The following NSMCE2 variants were observed in gnomAD, a reference collection of about 807,000 sequenced individuals.
The protein encoded by NSMCE2 is NSE2 SUMO ligase component of SMC5/6 complex.
In NSMCE2, 24 loss-of-function variants were observed where a neutral mutation model predicts 23.8. The ratio of observed to expected loss-of-function variants is 1.01; its 90% CI spans 0.73 to 1.42. NSMCE2 has a LOEUF of 1.42. Ranked by LOEUF, NSMCE2 falls within the 40% of genes most tolerant of loss-of-function variation. The probability of loss-of-function intolerance (pLI) is 0.00; values close to 1 mark genes in which losing one functional copy is unlikely to be tolerated. For missense variants in NSMCE2, 284 were observed against 296.5 expected, an observed-to-expected ratio of 0.96 and a Z score of 0.31; for synonymous variants, 92 against 94.1, an observed-to-expected ratio of 0.98 and a Z score of 0.13.
intron 5 of NSMCE2, among the ~76,000 whole-genome samples, chr8:125,287,042 C>T (rs764049472): frequency 2.0e-5 from 3 of 152,044 alleles, no homozygotes; most frequent in Non-Finnish European, 4.4e-5. Flanking sequence ...TAATAAAATA[C>T]AGAATTTGGC....
At chr8:125,317,820 A>C (rs1829270809) in intron 5 of NSMCE2, among the ~76,000 whole-genome samples, 1 of 152,256 alleles carries the variant, frequency 6.6e-6, no homozygotes, top group Non-Finnish European at 1.5e-5. Context: ...AAGATTGATA[A>C]TTTGAACTAC....
intron 5 of NSMCE2, among the ~76,000 whole-genome samples, chr8:125,329,844 C>A (rs559545527): frequency 8.6e-4 from 131 of 152,280 alleles, no homozygotes; most frequent in Non-Finnish European, 1.6e-3. Context: ...AGTGTTCACT[C>A]AGTTCAAGGC....
intron 7 of NSMCE2, among the ~76,000 whole-genome samples, chr8:125,359,330 C>CTTTTTTTTTTT (rs34421417): frequency 9.7e-6 from 1 of 102,892 alleles, no homozygotes; most frequent in Non-Finnish European, 1.9e-5. Flanking sequence ...TGCTCTTTCT[C>CTTTTTTTTTTT]TTTTTTTTTT....
intron 5 of NSMCE2, among the ~76,000 whole-genome samples, chr8:125,216,769 A>G (rs2130904079): frequency 6.6e-6 from 1 of 152,344 alleles, no homozygotes; most frequent in East Asian, 1.9e-4. Context: ...GCCTCTGCTT[A>G]GGTTTTAATG....
At chr8:125,305,455 G>C (rs935660574) in intron 5 of NSMCE2, among the ~76,000 whole-genome samples, 1 of 152,160 alleles carries the variant, frequency 6.6e-6, no homozygotes, top group African/African-American at 2.4e-5. Flanking sequence ...GGGACAAGAG[G>C]CTGAAGAGAA....
chr8:125,274,443 T>C (rs1238467217), intron 5 of NSMCE2, among the ~76,000 whole-genome samples: 3 of 152,204 alleles, frequency 2.0e-5, no homozygotes, highest in Admixed American at 2.0e-4. Context: ...TGAATTGCTT[T>C]CTGAGTTGTG....
chr8:125,180,262 A>C (rs78068134), intron 4 of NSMCE2, among the ~76,000 whole-genome samples: 1 of 152,178 alleles, frequency 6.6e-6, no homozygotes, highest in African/African-American at 2.4e-5. Context: ...TTCTTTAGCC[A>C]TACAGTACTT....
chr8:125,120,348 A>G (rs1162190106), intron 3 of NSMCE2, among the ~76,000 whole-genome samples: 1 of 152,220 alleles, frequency 6.6e-6, no homozygotes, highest in Non-Finnish European at 1.5e-5. Context: ...CGGTAAAACG[A>G]GTTATTATCT....
intron 5 of NSMCE2, among the ~76,000 whole-genome samples, chr8:125,320,288 GGAA>G (rs1283942266): frequency 2.1e-5 from 2 of 97,292 alleles, no homozygotes; most frequent in African/African-American, 3.2e-5. Context: ...AAGGAAGGAA[GGAA>G]GGAAGGAAGG....
At chr8:125,349,781 A>G (rs1318912546) in intron 5 of NSMCE2, among the ~76,000 whole-genome samples, 1 of 152,124 alleles carries the variant, frequency 6.6e-6, no homozygotes, top group Non-Finnish European at 1.5e-5. Flanking sequence ...CCACAAGACC[A>G]TGTCTGGATT....
At position 125,247,019 on chromosome 8, in the gene NSMCE2, AT is replaced by A. The variant is rs576858587; in HGVS notation, c.418+64774del. On this transcript the variant is annotated intron_variant, in intron 5 of 7. Coordinates refer to ENST00000287437, the MANE Select transcript of NSMCE2 (RefSeq NM_173685.4). Reference sequence around the variant, plus strand: ...TTGCTTTACTATGATTAAATTCTGTATTTTTTTTTTTCTTAAAATATTAAGA... The same window carrying A: ...TTGCTTTACTATGATTAAATTCTGTATTTTTTTTTTCTTAAAATATTAAGA... Among the ~76,000 whole-genome samples, 637 of 147,222 alleles carry A rather than the reference AT, an allele frequency of 4.3e-3. 3 individuals carry two copies. The highest frequency in any genetic ancestry group is 0.014 in the African/African-American group (581 of 40,276).
intron 3 of NSMCE2, among the ~76,000 whole-genome samples, chr8:125,136,415 G>C (rs1820070044): frequency 6.6e-6 from 1 of 152,204 alleles, no homozygotes; most frequent in Non-Finnish European, 1.5e-5. Context: ...TTTGTGACTA[G>C]TTAGATGTGG....
intron 5 of NSMCE2, among the ~76,000 whole-genome samples, chr8:125,212,998 A>G (rs537686004): frequency 4.6e-5 from 7 of 152,334 alleles, no homozygotes; most frequent in South Asian, 2.1e-4. Context: ...AAAAATCAAT[A>G]TGTAATAATA....
In NSMCE2 at chr8:125,365,419, T is replaced by G. The variant is rs187712834; in HGVS notation, c.627-1349T>G. The stretch of plus-strand genomic sequence containing the variant: ...CACCTCTCTCCTGCACCCTGCAGGA[T>G]CCCCCATGCTATTTTCCCTGCCCTT... On this transcript the variant is annotated intron_variant, in intron 7 of 7. Transcript: ENST00000287437. Among the ~76,000 whole-genome samples the G allele has an allele frequency of 6.3e-3, 961 of 152,194 alleles. 5 individuals carry two copies. The highest frequency in any genetic ancestry group is 9.1e-3 in the Non-Finnish European group (621 of 68,008).
At chr8:125,241,788 T>G (rs1375409144) in intron 5 of NSMCE2, among the ~76,000 whole-genome samples, 1 of 152,186 alleles carries the variant, frequency 6.6e-6, no homozygotes, top group Non-Finnish European at 1.5e-5. Context: ...AATCACAGAA[T>G]TTAGTAATTG....
At chr8:125,270,836 T>A (rs897922099) in intron 5 of NSMCE2, 1 of 151,798 alleles carries the variant, frequency 6.6e-6, no homozygotes, top group African/African-American at 2.4e-5. Flanking sequence ...TGCTGATGAG[T>A]AATGAGATCA....
chr8:125,217,753 T>G (rs572819746), intron 5 of NSMCE2, among the ~76,000 whole-genome samples: 21 of 152,246 alleles, frequency 1.4e-4, no homozygotes, highest in African/African-American at 4.6e-4. Flanking sequence ...ATTACAGCTG[T>G]GCTGAGGTAC....
intron 5 of NSMCE2, among the ~76,000 whole-genome samples, chr8:125,205,474 G>A (rs1260154078): frequency 6.6e-6 from 1 of 152,146 alleles, no homozygotes. Context: ...AAAATGTTCT[G>A]TATCTGCTGC....
At position 125,151,167 on chromosome 8, in the gene NSMCE2, TCAGC is replaced by T; in HGVS notation, c.158-3_158del. On this transcript the variant is annotated splice_acceptor_variant and splice_polypyrimidine_tract_variant and coding_sequence_variant and intron_variant, in exon 4 of 8. Transcript: ENST00000287437. LOFTEE classifies it high-confidence loss of function. Reference sequence around the variant, plus strand: ...ATAATAATTGCAATTTTTTTTTCTTTCAGCTGAAGTGAGTAGTGAATATAGTATG... The same window carrying T: ...ATAATAATTGCAATTTTTTTTTCTTTTGAAGTGAGTAGTGAATATAGTATG... 6.5e-7 allele frequency: 1 copy of T among 1,533,234 alleles called. No homozygotes were observed. Among genetic ancestry groups the T allele is most frequent in the Admixed American group, 1.8e-5 (1 of 55,326 alleles). 95.0% of individuals were successfully genotyped at this position (1,533,234 alleles called of 1,614,324 possible). A position where few individuals can be genotyped will look rare whatever the true frequency, so the allele number is the denominator to read the frequency against.
Sources: gnomAD v4.1 joint callset for allele counts (sites outside exome capture counted in the v4.1 genomes callset) on GRCh38, gnomAD v4.1.1 for gene constraint, MANE v1.5 for transcripts, NCBI Gene and HGNC (gene_info 2026-07-23, HGNC 2026-07-21) for gene names.